FIP1L1: variants seen among roughly 807,000 people sequenced by gnomAD.
The protein encoded by FIP1L1 is pre-mRNA 3'-end-processing factor FIP1.
A neutral mutation model predicts 84.6 loss-of-function variants in FIP1L1; 21 were observed. That is an observed-to-expected ratio of 0.25 (90% CI 0.18 to 0.36). The LOEUF is 0.36. Ranked by LOEUF, FIP1L1 falls within the 10% of genes least tolerant of loss-of-function variation. FIP1L1 has a pLI of 1.00. For synonymous variants in FIP1L1, 263 were observed against 242.3 expected (o/e 1.09, Z -0.80); for missense variants, 526 against 751.1 (o/e 0.70, Z 3.50).
At position 53,460,537 on chromosome 4, in the gene FIP1L1, A is replaced by G. The variant is rs1232322669; in HGVS notation, c.*1088A>G. 1 of 211,726 alleles carries G rather than the reference A, an allele frequency of 4.7e-6. No homozygotes were observed. Among genetic ancestry groups the G allele is most frequent in the Non-Finnish European group, 9.5e-6 (1 of 105,134 alleles). 13.1% of individuals were successfully genotyped at this position (211,726 alleles called of 1,614,324 possible). A position where few individuals can be genotyped will look rare whatever the true frequency, so the allele number is the denominator to read the frequency against. On this transcript the variant is annotated 3_prime_UTR_variant, in exon 18 of 18. Coordinates refer to ENST00000337488, the MANE Select transcript of FIP1L1 (RefSeq NM_030917.4). ...ATTTTAAAAAATATTTTAGCTGTAA[A>G]TTAAAAATGGCCATAATGTACCCTT... is the stretch of plus-strand genomic sequence containing the variant.
chr4:53,400,985 G>A (rs150092584), intron 10 of FIP1L1, among the ~76,000 whole-genome samples: 1 of 152,258 alleles, frequency 6.6e-6, no homozygotes, highest in African/African-American at 2.4e-5. Flanking sequence ...CTTGGACTCT[G>A]GAGTCAGATT....
At chr4:53,422,445 T>C (rs1480016332) in intron 11 of FIP1L1, among the ~76,000 whole-genome samples, 1 of 151,986 alleles carries the variant, frequency 6.6e-6, no homozygotes, top group Non-Finnish European at 1.5e-5. Context: ...GGAGAATCTT[T>C]TTCTGTTTAT....
intron 15 of FIP1L1, among the ~76,000 whole-genome samples, chr4:53,444,945 A>G (rs1773566643): frequency 6.6e-6 from 1 of 152,100 alleles, no homozygotes; most frequent in Non-Finnish European, 1.5e-5. Flanking sequence ...TTATGGGGAG[A>G]TAGCTGGGTG....
At chr4:53,442,770 T>G (rs1772549207) in intron 14 of FIP1L1, 63 bp downstream of exon 14, 4 of 895,254 alleles carry the variant, frequency 4.5e-6, no homozygotes, top group Non-Finnish European at 7.1e-6. Flanking sequence ...AACCATATAC[T>G]TGGAAATATT....
At chr4:53,440,644 A>AT in intron 13 of FIP1L1, 1 of 1,416,854 alleles carries the variant, frequency 7.1e-7, no homozygotes, top group South Asian at 1.2e-5. Context: ...ATCATTGTTA[A>AT]TAAACATGAA....
At chr4:53,449,416 T>C (rs1478619396) in intron 15 of FIP1L1, among the ~76,000 whole-genome samples, 1 of 152,176 alleles carries the variant, frequency 6.6e-6, no homozygotes, top group Non-Finnish European at 1.5e-5. Context: ...CAAATTACAT[T>C]GCTACATTCT....
At chr4:53,414,085 A>G (rs903875869) in intron 10 of FIP1L1, among the ~76,000 whole-genome samples, 6 of 152,210 alleles carry the variant, frequency 3.9e-5, no homozygotes, top group East Asian at 3.8e-4. Flanking sequence ...CAGGGATAAA[A>G]TTAACTTTTT....
intron 6 of FIP1L1, 73 bp downstream of exon 6, chr4:53,389,946 T>G: frequency 8.5e-7 from 1 of 1,182,646 alleles, no homozygotes; most frequent in Non-Finnish European, 1.2e-6. Context: ...AATAGCTTTT[T>G]TTTTTAGTCG....
rs1173021291 is a variant in FIP1L1, at chr4:53,417,813, T to A, written c.923+3091T>A. On this transcript the variant is annotated intron_variant, in intron 11 of 17. Coordinates refer to ENST00000337488, the MANE Select transcript of FIP1L1 (RefSeq NM_030917.4). ...CTCTCTCTCTCTCTCTCTCTCTCTC[T>A]CTCTCTCAGGCTACTTTTTCTCTTT... 4.4e-4 allele frequency among the ~76,000 whole-genome samples: 39 copies of A among 88,012 alleles called. No individual in the cohort carries two copies. In the South Asian group the frequency reaches 0.011, roughly 26 times the overall value. The allele number at this position is 88,012 out of a possible 152,430, so 57.7% of individuals were successfully genotyped here. A position where few individuals can be genotyped will look rare whatever the true frequency, so the allele number is the denominator to read the frequency against.
At chr4:53,420,429 CAAAAAAA>C (rs35693633) in intron 11 of FIP1L1, among the ~76,000 whole-genome samples, 1 of 91,654 alleles carries the variant, frequency 1.1e-5, no homozygotes, top group Admixed American at 1.3e-4. Flanking sequence ...AACTCCATCT[CAAAAAAA>C]AAAAAAAAAA....
chr4:53,446,085 G>A (rs532437127), intron 15 of FIP1L1, among the ~76,000 whole-genome samples: 3 of 152,126 alleles, frequency 2.0e-5, no homozygotes, highest in South Asian at 2.1e-4. Context: ...TCAGGGTATC[G>A]TACTGTCCTT....
Position 53,460,743 on chromosome 4 carries a change from A to ATAT in FIP1L1, c.*1296_*1298dup, listed in dbSNP as rs1452472736. 31 of 663,186 alleles carry ATAT rather than the reference A, an allele frequency of 4.7e-5. No individual in the cohort carries two copies. The South Asian group carries it at 5.0e-4, about 11-fold the overall frequency. 41.1% of individuals were successfully genotyped at this position (663,186 alleles called of 1,614,324 possible). ...TAGTAGTTTTAATTTTTTTGGAATCATATTTTCTGAGGTGTAACTGGCTTT... is the reference window on the plus strand; with the variant it reads ...TAGTAGTTTTAATTTTTTTGGAATCATATTATTTTCTGAGGTGTAACTGGCTTT... On this transcript the variant is annotated 3_prime_UTR_variant, in exon 18 of 18. Transcript: ENST00000337488.
rs753569335 is a variant in FIP1L1 at position 53,460,105 on chromosome 4, A to ACTC, written c.*657_*659dup. 1 of 199,646 alleles carries ACTC rather than the reference A, an allele frequency of 5.0e-6. No homozygotes were observed. The allele number at this position is 199,646 out of a possible 1,614,324, so 12.4% of individuals were successfully genotyped here. On this transcript the variant is annotated 3_prime_UTR_variant, in exon 18 of 18. Transcript: ENST00000337488. ...GTTTCTAGGAGGCATGTGTACACAC[A>ACTC]CTCTTCATTGTGGCACAAATTTAAA...
chr4:53,408,074 A>G (rs779130093), intron 10 of FIP1L1, among the ~76,000 whole-genome samples: 9 of 152,184 alleles, frequency 5.9e-5, no homozygotes, highest in Non-Finnish European at 1.2e-4. Flanking sequence ...TAGTTGATGC[A>G]GTTTCTTCCT....
chr4:53,386,326 G>A (rs868685196), intron 5 of FIP1L1, among the ~76,000 whole-genome samples: 32 of 151,906 alleles, frequency 2.1e-4, no homozygotes, highest in African/African-American at 7.3e-4. Flanking sequence ...AGAACCCTTG[G>A]TAAAATCACC....
At chr4:53,444,742 G>A (rs980735026) in intron 15 of FIP1L1, among the ~76,000 whole-genome samples, 5 of 151,858 alleles carry the variant, frequency 3.3e-5, no homozygotes, top group East Asian at 3.9e-4. Flanking sequence ...TCACCATGCC[G>A]GGCTAATTTT....
Position 53,428,035 on chromosome 4 carries a change from T to G in FIP1L1, c.1026T>G (p.Ser342=). ...CTGTGCTCTAATTTTAGGTCCTTTC[T>G]GAAAGATCTGCTACTGAAGTAGACA... ...ANENSNIQVL[S]ERSATEVDNN... Residue 342 remains serine, a synonymous_variant, in exon 13 of 18, where the codon TCT becomes TCG. Coordinates refer to ENST00000337488, the MANE Select transcript of FIP1L1 (RefSeq NM_030917.4). 6.2e-7 allele frequency: 1 copy of G among 1,603,634 alleles called. No individual in the cohort carries two copies. The highest frequency in any genetic ancestry group is 1.1e-5 in the South Asian group (1 of 89,414).
intron 13 of FIP1L1, chr4:53,440,527 C>T: frequency 8.7e-7 from 1 of 1,145,426 alleles, no homozygotes; most frequent in Non-Finnish European, 1.3e-6. Flanking sequence ...GGCATAAATA[C>T]ATAACAGGTT....
rs546432802 is a variant in FIP1L1 at position 53,440,418 on chromosome 4, G to A, written c.1175-2235G>A. On this transcript the variant is annotated intron_variant, in intron 13 of 17. Coordinates refer to ENST00000337488, the MANE Select transcript of FIP1L1 (RefSeq NM_030917.4). ...ATCAAGGAAGTTGGATGTTATACTC[G>A]AATTGTTAGTCCTCTACGAGAAAAC... 1.1e-4 allele frequency among the ~76,000 whole-genome samples: 17 copies of A among 151,998 alleles called. 1 individual carries two copies. In the South Asian group the frequency reaches 2.1e-3, roughly 19 times the overall value.
Sources: gnomAD v4.1 joint callset for allele counts (sites outside exome capture counted in the v4.1 genomes callset) on GRCh38, gnomAD v4.1.1 for gene constraint, MANE v1.5 for transcripts, NCBI Gene and HGNC (gene_info 2026-07-23, HGNC 2026-07-21) for gene names.